CFAP54: variants seen among roughly 807,000 people sequenced by gnomAD.
CFAP54 encodes the protein cilia- and flagella-associated protein 54.
Under a neutral mutation model 370.4 loss-of-function variants are expected in CFAP54, and 290 were observed. That is an observed-to-expected ratio of 0.78 (90% CI 0.71 to 0.86). The LOEUF is 0.86. Ranked by LOEUF, CFAP54 falls within the 40% of genes least tolerant of loss-of-function variation. The probability of loss-of-function intolerance (pLI) is 0.00; values close to 1 mark genes in which losing one functional copy is unlikely to be tolerated. For missense variants in CFAP54, 3,399 were observed against 3,528.7 expected (o/e 0.96, Z 0.93); for synonymous variants, 1,206 against 1,236.5 (o/e 0.98, Z 0.52).
chr12:96,630,902 G>A (rs557129418), intron 32 of CFAP54, among the ~76,000 whole-genome samples: 2 of 152,104 alleles, frequency 1.3e-5, no homozygotes, highest in East Asian at 3.9e-4. Flanking sequence ...GAAGGTGGTG[G>A]TGGCAATAGT....
intron 55 of CFAP54, among the ~76,000 whole-genome samples, chr12:96,752,221 T>C (rs1958194854): frequency 1.3e-5 from 2 of 151,846 alleles, no homozygotes. Flanking sequence ...AAATATATCC[T>C]TTGTAGGGCA....
At chr12:96,727,021 T>C (rs1157686740) in intron 50 of CFAP54, among the ~76,000 whole-genome samples, 2 of 152,372 alleles carry the variant, frequency 1.3e-5, no homozygotes, top group East Asian at 1.9e-4. Context: ...TCTAGTTTGA[T>C]TGCACTGTGG....
chr12:96,690,679 T>C (rs1167775328), intron 43 of CFAP54, among the ~76,000 whole-genome samples: 2 of 152,156 alleles, frequency 1.3e-5, no homozygotes, highest in African/African-American at 4.8e-5. Context: ...TTTAGCTAAA[T>C]AGACATGACT....
intron 11 of CFAP54, among the ~76,000 whole-genome samples, chr12:96,535,047 T>G (rs1463259890): frequency 6.7e-6 from 1 of 150,340 alleles, no homozygotes; most frequent in Non-Finnish European, 1.5e-5. Flanking sequence ...TGTGTGTGTG[T>G]GTGTGTTTAT....
chr12:96,527,241 T>G lies in CFAP54; in HGVS notation c.1159-5T>G. 1 of 1,501,350 alleles carries G rather than the reference T, an allele frequency of 6.7e-7. No homozygotes were observed. The highest frequency in any genetic ancestry group is 8.8e-7 in the Non-Finnish European group (1 of 1,131,456). 93.0% of individuals were successfully genotyped at this position (1,501,350 alleles called of 1,614,324 possible). A position where few individuals can be genotyped will look rare whatever the true frequency, so the allele number is the denominator to read the frequency against. On this transcript the variant is annotated splice_polypyrimidine_tract_variant and splice_region_variant and intron_variant, in intron 8 of 67. Transcript: ENST00000524981. ...GGACTGAACTTTTTTTTTTCTCAAT[T>G]TCAGTTATCATGGCCACGAACTGTC... is the stretch of plus-strand genomic sequence containing the variant.
intron 48 of CFAP54, among the ~76,000 whole-genome samples, chr12:96,713,373 T>C (rs1160134813): frequency 2.0e-5 from 3 of 151,940 alleles, no homozygotes; most frequent in African/African-American, 7.3e-5. Context: ...TGAACTCCTG[T>C]CATTTGTAGC....
At chr12:96,781,907 A>C (rs1958584456) in intron 60 of CFAP54, among the ~76,000 whole-genome samples, 1 of 152,116 alleles carries the variant, frequency 6.6e-6, no homozygotes, top group African/African-American at 2.4e-5. Flanking sequence ...CAAATGGTTA[A>C]AATGCTTGTC....
At chr12:96,648,499 A>G (rs1956821725) in intron 34 of CFAP54, among the ~76,000 whole-genome samples, 2 of 150,500 alleles carry the variant, frequency 1.3e-5, no homozygotes, top group African/African-American at 4.9e-5. Context: ...AAGAAAGCTC[A>G]CTCTAAGATG....
At chr12:96,588,679 G>A (rs1046638529) in intron 22 of CFAP54, among the ~76,000 whole-genome samples, 1 of 135,502 alleles carries the variant, frequency 7.4e-6, no homozygotes. Context: ...TCATACCTTA[G>A]CTGTTTCCAT....
At chr12:96,867,096 T>C (rs565945254) in intron 67 of CFAP54, among the ~76,000 whole-genome samples, 8 of 152,264 alleles carry the variant, frequency 5.3e-5, no homozygotes, top group African/African-American at 1.7e-4. Flanking sequence ...TAATGATCCA[T>C]AGGAGGGAAA....
chr12:96,662,725 T>C (rs564441290), intron 38 of CFAP54, among the ~76,000 whole-genome samples: 1 of 152,216 alleles, frequency 6.6e-6, no homozygotes, highest in East Asian at 1.9e-4. Context: ...CACCGCACTG[T>C]TGTGTGAGCT....
At chr12:96,626,967 G>C in intron 30 of CFAP54, 28 bp downstream of exon 30, 1 of 1,267,064 alleles carries the variant, frequency 7.9e-7, no homozygotes. Context: ...TGTTATACAT[G>C]TTAACAACTT....
At chr12:96,543,132 G>T (rs1251272850) in intron 14 of CFAP54, among the ~76,000 whole-genome samples, 1 of 152,194 alleles carries the variant, frequency 6.6e-6, no homozygotes. Context: ...CCCTTGCGTT[G>T]AATCAGGAGG....
chr12:96,607,794 C>CT (rs534880310), intron 26 of CFAP54, among the ~76,000 whole-genome samples: 2,125 of 143,116 alleles, frequency 0.015, 115 homozygotes, highest in Admixed American at 0.11. Context: ...TAGCTTCAGA[C>CT]TTTTTTTTTT....
At position 96,757,580 on chromosome 12, in the gene CFAP54, A is replaced by G. The variant is rs1369616077; in HGVS notation, c.8032A>G (p.Thr2678Ala). Reference sequence around the variant, plus strand: ...GATAAAAATTTCAGGATCACCATTAACACTTAAGGTAAGAGTCTATTTTAT... The same window carrying G: ...GATAAAAATTTCAGGATCACCATTAGCACTTAAGGTAAGAGTCTATTTTAT... ...PKIKISGSPLTLKPPLRRSSS... is the reference protein window; with the variant it reads ...PKIKISGSPLALKPPLRRSSS... The change falls in exon 58 of 68, where the codon ACA (threonine) becomes GCA (alanine). Residue 2678 changes from threonine to alanine, a missense_variant. By Grantham distance (58) the Thr-to-Ala change is moderately conservative (BLOSUM62 0). Around this residue, in one of 3 missense-constraint regions of CFAP54, gnomAD observed 2,796 missense variants for 2,869.7 expected, o/e 0.97. Coordinates refer to ENST00000524981, the MANE Select transcript of CFAP54 (RefSeq NM_001306084.2). 6.4e-7 allele frequency: 1 copy of G among 1,568,942 alleles called. No individual in the cohort carries two copies.
chr12:96,555,957 A>T (rs1218330676), intron 17 of CFAP54, among the ~76,000 whole-genome samples: 1 of 152,028 alleles, frequency 6.6e-6, no homozygotes. Flanking sequence ...AAGGAAAAAA[A>T]AATCAGGTGA....
At chr12:96,874,869 G>C (rs190920126) in intron 67 of CFAP54, among the ~76,000 whole-genome samples, 1,677 of 151,666 alleles carry the variant, frequency 0.011, 68 homozygotes, top group East Asian at 0.1. Flanking sequence ...CGCCCGCCTC[G>C]GCCTCCCAAA....
At chr12:96,770,144 A>T (rs1402121129) in intron 60 of CFAP54, among the ~76,000 whole-genome samples, 2 of 151,930 alleles carry the variant, frequency 1.3e-5, no homozygotes, top group Non-Finnish European at 2.9e-5. Context: ...TATACTACTT[A>T]TAGGTGGGAA....
intron 19 of CFAP54, chr12:96,573,131 A>G: frequency 5.2e-6 from 4 of 764,414 alleles, no homozygotes; most frequent in Non-Finnish European, 4.8e-6. Flanking sequence ...CATAATCCCG[A>G]GGAAGGATAT....
Sources: gnomAD v4.1 joint callset for allele counts (sites outside exome capture counted in the v4.1 genomes callset) on GRCh38, gnomAD v4.1.1 for gene constraint, gnomAD v4.1.1 regional missense constraint, MANE v1.5 for transcripts, NCBI Gene and HGNC (gene_info 2026-07-23, HGNC 2026-07-21) for gene names.